FBXW8: variants seen among roughly 807,000 people sequenced by gnomAD.
FBXW8 encodes the protein F-box/WD repeat-containing protein 8.
A neutral mutation model predicts 65.3 loss-of-function variants in FBXW8; 57 were observed. The ratio of observed to expected loss-of-function variants is 0.87; its 90% CI spans 0.71 to 1.09. FBXW8 has a LOEUF of 1.09. Ranked by LOEUF, FBXW8 falls within the 50% of genes least tolerant of loss-of-function variation. FBXW8 has a pLI of 0.00. For synonymous variants in FBXW8, 308 were observed against 330.2 expected, an observed-to-expected ratio of 0.93 and a Z score of 0.73; for missense variants, 777 against 814.8, an observed-to-expected ratio of 0.95 and a Z score of 0.57.
Position 116,936,818 on chromosome 12 carries a change from A to G in FBXW8, c.424-8546A>G, listed in dbSNP as rs980592413. Among the ~76,000 whole-genome samples the G allele has an allele frequency of 3.3e-5, 5 of 152,156 alleles. No individual in the cohort carries two copies. The highest frequency in any genetic ancestry group is 9.7e-5 in the African/African-American group (4 of 41,438). On this transcript the variant is annotated intron_variant, in intron 2 of 10. Transcript: ENST00000652555. The surrounding 1 kb of genome is among the most constrained non-coding windows in gnomAD (Gnocchi z 4.6). The stretch of plus-strand genomic sequence containing the variant: ...GGATAAGAGGAGGAGAGGACTCAGG[A>G]TGTGATAAGCGTTTAATCCATTAAA...
At position 116,961,572 on chromosome 12, in the gene FBXW8, A is replaced by C. The variant is rs142795266; in HGVS notation, c.678-3125A>C. Among the ~76,000 whole-genome samples the C allele has an allele frequency of 1.3e-5, 2 of 152,278 alleles. No individual in the cohort carries two copies. The highest frequency in any genetic ancestry group is 4.8e-5 in the African/African-American group (2 of 41,550). ...TCATTCAATAAGGTGTTAAGATGTA[A>C]GACTTTATAGAGGGTTCTCTGGGTA... On this transcript the variant is annotated intron_variant, in intron 4 of 10. Transcript: ENST00000652555. This position sits in a 1 kb window ranked among gnomAD's most constrained non-coding sequence, Gnocchi z 4.4.
At chr12:117,020,756 C>T (rs938230432) in intron 8 of FBXW8, among the ~76,000 whole-genome samples, 10 of 152,176 alleles carry the variant, frequency 6.6e-5, no homozygotes, top group Admixed American at 5.9e-4. Context: ...AGCAGCCTCC[C>T]CTCCCCTGAA....
intron 8 of FBXW8, 111 bp downstream of exon 8, chr12:117,010,561 G>A (rs1000360214): frequency 2.8e-6 from 4 of 1,453,410 alleles, no homozygotes; most frequent in African/African-American, 1.4e-5. Flanking sequence ...CTGCCCACCT[G>A]AGTTCAGCCC....
At chr12:116,942,070 C>G (rs1025697744) in intron 2 of FBXW8, among the ~76,000 whole-genome samples, 11 of 152,130 alleles carry the variant, frequency 7.2e-5, no homozygotes, top group African/African-American at 2.7e-4. Context: ...ACTATGTCAC[C>G]TAGTCTGGAG....
chr12:116,970,791 A>G (rs903910727), intron 5 of FBXW8, among the ~76,000 whole-genome samples: 1 of 152,116 alleles, frequency 6.6e-6, no homozygotes, highest in African/African-American at 2.4e-5. Flanking sequence ...AAGGCAATTG[A>G]TGGATTGTGG....
chr12:116,919,146 G>C (rs568793736), intron 1 of FBXW8, among the ~76,000 whole-genome samples: 1 of 152,146 alleles, frequency 6.6e-6, no homozygotes, highest in Non-Finnish European at 1.5e-5. Context: ...CGCGGATAAG[G>C]GGGGACGACT....
In FBXW8 at chr12:116,985,193, T is replaced by G. The variant is rs749225875; in HGVS notation, c.836-13T>G. 6 of 1,570,826 alleles carry G rather than the reference T, an allele frequency of 3.8e-6. No homozygotes were observed. Among genetic ancestry groups the G allele is most frequent in the Non-Finnish European group, 5.2e-6 (6 of 1,160,962 alleles). On this transcript the variant is annotated splice_polypyrimidine_tract_variant and intron_variant, in intron 5 of 10. Transcript: ENST00000652555. ...ATTTAAAATTGTTACCTGCATTGTT[T>G]CTTGCTGCATAGGGTTTCTTAATAT...
At chr12:117,015,550 A>T (rs1451216275) in intron 8 of FBXW8, among the ~76,000 whole-genome samples, 2 of 152,064 alleles carry the variant, frequency 1.3e-5, no homozygotes, top group Admixed American at 1.3e-4. Flanking sequence ...TCGCAGGGAG[A>T]AGCTTATCCG....
At chr12:116,994,506 A>G (rs1435552108) in intron 7 of FBXW8, among the ~76,000 whole-genome samples, 1 of 152,236 alleles carries the variant, frequency 6.6e-6, no homozygotes, top group Non-Finnish European at 1.5e-5. Flanking sequence ...CAGTTTCTCT[A>G]TCTGGAGCCA....
At chr12:117,015,310 G>A (rs528348450) in intron 8 of FBXW8, among the ~76,000 whole-genome samples, 16 of 152,254 alleles carry the variant, frequency 1.1e-4, no homozygotes, top group African/African-American at 3.6e-4. Context: ...GTCCTCAGGT[G>A]TTTGTTTTTG....
intron 5 of FBXW8, among the ~76,000 whole-genome samples, chr12:116,982,244 A>G (rs1023886515): frequency 1.3e-5 from 2 of 152,238 alleles, no homozygotes; most frequent in African/African-American, 2.4e-5. Context: ...AAGACCAACT[A>G]CATGCTGTCT....
At chr12:117,026,205 C>T (rs1954222872) in intron 9 of FBXW8, among the ~76,000 whole-genome samples, 1 of 152,228 alleles carries the variant, frequency 6.6e-6, no homozygotes. Flanking sequence ...CTGCAGGCCT[C>T]CACCAAGCCT....
chr12:117,011,502 T>A (rs1953815679), intron 8 of FBXW8, among the ~76,000 whole-genome samples: 1 of 152,192 alleles, frequency 6.6e-6, no homozygotes. Flanking sequence ...AGAACTGAAC[T>A]CCTCAGTGTG....
At chr12:116,913,112 C>T (rs781191867) in intron 1 of FBXW8, among the ~76,000 whole-genome samples, 1 of 152,132 alleles carries the variant, frequency 6.6e-6, no homozygotes, top group African/African-American at 2.4e-5. Context: ...GGTTCTGGGC[C>T]CTCCCCAGAC....
At chr12:117,005,786 C>T (rs7297848) in intron 7 of FBXW8, among the ~76,000 whole-genome samples, 49,542 of 152,136 alleles carry the variant, frequency 0.33, 12,607 homozygotes, top group African/African-American at 0.71. Flanking sequence ...AGCATCTGGC[C>T]TCTGATCACA....
chr12:117,017,981 T>C (rs921147468), intron 8 of FBXW8, among the ~76,000 whole-genome samples: 1 of 152,144 alleles, frequency 6.6e-6, no homozygotes, highest in African/African-American at 2.4e-5. Flanking sequence ...GAGAGAGTGA[T>C]TGGGGCGTAA....
chr12:116,919,138 C>T (rs1471794601), intron 1 of FBXW8, among the ~76,000 whole-genome samples: 5 of 152,062 alleles, frequency 3.3e-5, no homozygotes, highest in African/African-American at 9.7e-5. Context: ...AGCAAAACCG[C>T]GGATAAGGGG....
chr12:116,926,610 A>T (rs1881342676), intron 1 of FBXW8, among the ~76,000 whole-genome samples: 1 of 151,888 alleles, frequency 6.6e-6, no homozygotes, highest in Admixed American at 6.6e-5. Flanking sequence ...TTAGGCAAGC[A>T]CCCCTGAGCC....
chr12:116,969,421 C>T (rs189734806), intron 5 of FBXW8, among the ~76,000 whole-genome samples: 3 of 152,236 alleles, frequency 2.0e-5, no homozygotes, highest in South Asian at 2.1e-4. Context: ...TTTAACAGAT[C>T]GACACTATGA....
Sources: gnomAD v4.1 joint callset for allele counts (sites outside exome capture counted in the v4.1 genomes callset) on GRCh38, gnomAD v4.1.1 for gene constraint, Gnocchi (gnomAD v3.1) non-coding constraint, MANE v1.5 for transcripts, NCBI Gene and HGNC (gene_info 2026-07-23, HGNC 2026-07-21) for gene names.